DAPK1: variants seen among roughly 807,000 people sequenced by gnomAD.
The protein encoded by DAPK1 is death-associated protein kinase 1.
DAPK1 carries 56 observed loss-of-function variants against 144.9 expected under a neutral mutation model. The observed-to-expected ratio is 0.39, with a 90% CI of 0.31 to 0.48. The LOEUF is 0.48. Among genes scored for constraint, DAPK1 ranks in the 20% least tolerant of loss-of-function variants. The pLI is 0.95. For synonymous variants in DAPK1, 690 were observed against 749.0 expected (o/e 0.92, Z 1.29); for missense variants, 1,454 against 1,875.4 (o/e 0.78, Z 4.15).
intron 3 of DAPK1, among the ~76,000 whole-genome samples, chr9:87,619,600 G>C (rs1472167578): frequency 6.6e-6 from 1 of 152,204 alleles, no homozygotes; most frequent in Non-Finnish European, 1.5e-5. Flanking sequence ...TCATGAGAAC[G>C]GGGCAGTTTG....
chr9:87,685,415 C>G (rs934832205), intron 20 of DAPK1, among the ~76,000 whole-genome samples: 6 of 152,192 alleles, frequency 3.9e-5, no homozygotes, highest in African/African-American at 1.4e-4. Flanking sequence ...GTGAAATGGT[C>G]ACTTCTTTAG....
chr9:87,610,871 A>C (rs1828896632), intron 3 of DAPK1, among the ~76,000 whole-genome samples: 1 of 152,256 alleles, frequency 6.6e-6, no homozygotes, highest in Non-Finnish European at 1.5e-5. Context: ...CAGTCAGTTC[A>C]TAGTATTCAC....
chr9:87,653,753 G>A (rs1051056172), intron 17 of DAPK1, among the ~76,000 whole-genome samples: 2 of 151,952 alleles, frequency 1.3e-5, no homozygotes, highest in Non-Finnish European at 2.9e-5. Flanking sequence ...GAGTGCAGTG[G>A]CCCAATCTTG....
At chr9:87,651,914 G>A (rs1234380922) in intron 17 of DAPK1, among the ~76,000 whole-genome samples, 190 bp downstream of exon 17, 1 of 128,898 alleles carries the variant, frequency 7.8e-6, no homozygotes. Context: ...ACCTGATCCC[G>A]GGTCCTGATT....
rs902902309 is a variant in DAPK1 at position 87,688,116 on chromosome 9, A to T, written c.2413+1377A>T. ...CCTCCCACCCCCTCTAGTAGTCCCC[A>T]GTTACTATTGTTGCCATCTTTACAT... On this transcript the variant is annotated intron_variant, in intron 21 of 25. Transcript: ENST00000408954. Among the ~76,000 whole-genome samples, 13 of 86,990 alleles carry T rather than the reference A, an allele frequency of 1.5e-4. No individual in the cohort carries two copies. The Admixed American group carries it at 1.5e-3, about 10-fold the overall frequency. 57.1% of individuals were successfully genotyped at this position (86,990 alleles called of 152,430 possible).
rs190704353 is a variant in DAPK1, at chr9:87,521,368, A to G, written c.62+22229A>G. Among the ~76,000 whole-genome samples the G allele has an allele frequency of 6.8e-4, 104 of 152,376 alleles. 1 individual carries two copies. Among genetic ancestry groups the G allele is most frequent in the Non-Finnish European group, 5.9e-5 (4 of 68,038 alleles). On this transcript the variant is annotated intron_variant, in intron 2 of 25. Transcript: ENST00000408954. ...TCTGTCTTATTCAGTCTTTAGCCCC[A>G]GACCCAGGGAGGTGCTGAATGTATG...
intron 19 of DAPK1, among the ~76,000 whole-genome samples, chr9:87,676,947 T>G (rs1824407620): frequency 6.6e-6 from 1 of 152,218 alleles, no homozygotes; most frequent in South Asian, 2.1e-4. Flanking sequence ...GAGTTCTGGC[T>G]TTGCTCTGTC....
intron 14 of DAPK1, among the ~76,000 whole-genome samples, chr9:87,647,773 G>T (rs1295818965): frequency 6.6e-6 from 1 of 152,164 alleles, no homozygotes; most frequent in Non-Finnish European, 1.5e-5. Flanking sequence ...CTTTGAAGTG[G>T]CTGACAGTGC....
intron 2 of DAPK1, among the ~76,000 whole-genome samples, chr9:87,575,466 G>C (rs1827522490): frequency 6.6e-6 from 1 of 152,078 alleles, no homozygotes; most frequent in Non-Finnish European, 1.5e-5. Flanking sequence ...GCTTTATGGG[G>C]TGTTGTGAGG....
chr9:87,684,563 G>C (rs1464472245), intron 20 of DAPK1, among the ~76,000 whole-genome samples: 1 of 152,214 alleles, frequency 6.6e-6, no homozygotes, highest in African/African-American at 2.4e-5. Flanking sequence ...GGGTCCCCTC[G>C]AAGTTTTCTG....
At chr9:87,551,262 C>G (rs1156897833) in intron 2 of DAPK1, among the ~76,000 whole-genome samples, 2 of 152,142 alleles carry the variant, frequency 1.3e-5, no homozygotes, top group Non-Finnish European at 2.9e-5. Context: ...ATTCTCCTGC[C>G]TCAGCCTCCT....
intron 25 of DAPK1, among the ~76,000 whole-genome samples, chr9:87,705,026 C>A (rs1282504154): frequency 6.6e-6 from 1 of 151,734 alleles, no homozygotes; most frequent in East Asian, 1.9e-4. Context: ...GGTCTCACTC[C>A]TCTCTCCCCT....
chr9:87,598,042 G>A (rs1460988188), intron 2 of DAPK1, among the ~76,000 whole-genome samples: 1 of 152,134 alleles, frequency 6.6e-6, no homozygotes, highest in Non-Finnish European at 1.5e-5. Context: ...AACCCTCAGG[G>A]TCTTATCTCC....
chr9:87,650,065 G>C lies in DAPK1; in HGVS notation c.1573G>C (p.Asp525His), dbSNP rs776122467. 1.2e-6 allele frequency: 2 copies of C among 1,613,956 alleles called. No homozygotes were observed. Among genetic ancestry groups the C allele is most frequent in the African/African-American group, 2.7e-5 (2 of 74,904 alleles). The change falls in exon 16 of 26, where the codon GAC becomes CAC. Residue 525 changes from aspartate (D) to histidine (H), a missense_variant. Asp to His is a moderately conservative substitution (Grantham distance 81). Around this residue, in one of 2 missense-constraint regions of DAPK1, gnomAD observed 1,025 missense variants for 1,237.9 expected, o/e 0.83. Coordinates refer to ENST00000408954, the MANE Select transcript of DAPK1 (RefSeq NM_004938.4). ...GACAGCCTCTGCCAGGGGCTACCAC[G>C]ACATCGTGGAGTGTCTGGCCGAACA... ...LLTASARGYH[D>H]IVECLAEHGA...
intron 18 of DAPK1, 172 bp from the exon 19 acceptor site, chr9:87,668,425 G>C (rs1230714820): frequency 1.6e-6 from 1 of 634,844 alleles, no homozygotes; most frequent in Non-Finnish European, 2.8e-6. Flanking sequence ...ACAATCAAGT[G>C]AAATAAGGAT....
chr9:87,591,877 C>T (rs1248942613), intron 2 of DAPK1, among the ~76,000 whole-genome samples: 1 of 152,318 alleles, frequency 6.6e-6, no homozygotes, highest in East Asian at 1.9e-4. Flanking sequence ...AGTCCAGTTG[C>T]CTTCATTTCT....
intron 3 of DAPK1, among the ~76,000 whole-genome samples, chr9:87,615,789 A>C (rs529144085): frequency 2.3e-3 from 344 of 152,346 alleles, no homozygotes; most frequent in Admixed American, 6.7e-3. Context: ...ACCACCCTGC[A>C]GGTAAGGAAC....
chr9:87,661,021 G>T (rs3128473), intron 18 of DAPK1, among the ~76,000 whole-genome samples: 27,828 of 151,956 alleles, frequency 0.18, 2,649 homozygotes, highest in South Asian at 0.22. Flanking sequence ...TGTATTTTTA[G>T]TAGAGACGGG....
chr9:87,591,485 A>C (rs1158135152), intron 2 of DAPK1, among the ~76,000 whole-genome samples: 1 of 152,244 alleles, frequency 6.6e-6, no homozygotes, highest in Non-Finnish European at 1.5e-5. Flanking sequence ...TAAATTTAGG[A>C]ACCCATAAAG....
Sources: allele counts gnomAD v4.1 joint callset (sites outside exome capture counted in the v4.1 genomes callset), GRCh38; gene constraint gnomAD v4.1.1; regional missense constraint gnomAD v4.1.1; transcripts MANE v1.5; gene names NCBI Gene and HGNC (gene_info 2026-07-23, HGNC 2026-07-21).